Variants in DEPDC1 observed in about 807,000 individuals in gnomAD.
The protein encoded by DEPDC1 is DEP domain containing 1.
In DEPDC1, 66 loss-of-function variants were observed where a neutral mutation model predicts 86.8. The ratio of observed to expected loss-of-function variants is 0.76; its 90% CI spans 0.62 to 0.93. The LOEUF is 0.93. Among genes scored for constraint, DEPDC1 ranks in the 40% least tolerant of loss-of-function variants. The pLI is 0.00. For synonymous variants in DEPDC1, 255 were observed against 314.9 expected, an observed-to-expected ratio of 0.81 and a Z score of 2.02; for missense variants, 792 against 935.7, an observed-to-expected ratio of 0.85 and a Z score of 2.00.
chr1:68,485,293 T>C (rs4926342), intron 6 of DEPDC1, among the ~76,000 whole-genome samples: 71,346 of 151,278 alleles, frequency 0.47, 17,977 homozygotes, highest in Middle Eastern at 0.76. Flanking sequence ...AGACAGAAAA[T>C]ACATGTTTAC....
chr1:68,495,630 A>G (rs1646259698), intron 1 of DEPDC1, among the ~76,000 whole-genome samples: 1 of 152,200 alleles, frequency 6.6e-6, no homozygotes, highest in South Asian at 2.1e-4. Context: ...AAGGGAGATT[A>G]CAGAACGGCT....
At chr1:68,478,035 T>G in intron 10 of DEPDC1, 63 bp from the exon 11 acceptor site, 9 of 1,223,678 alleles carry the variant, frequency 7.4e-6, no homozygotes, top group Non-Finnish European at 1.0e-5. Flanking sequence ...GATAAAGTAT[T>G]CTTTTGATGG....
intron 5 of DEPDC1, among the ~76,000 whole-genome samples, chr1:68,487,636 AT>A (rs1022955635): frequency 1.3e-5 from 2 of 151,918 alleles, no homozygotes; most frequent in African/African-American, 4.8e-5. Flanking sequence ...CAGTTTTAAC[AT>A]TTACCTTTTG....
chr1:68,485,781 T>G (rs762872033), intron 6 of DEPDC1, among the ~76,000 whole-genome samples: 45 of 152,066 alleles, frequency 3.0e-4, no homozygotes, highest in Non-Finnish European at 3.5e-4. Context: ...TCTGTAAATA[T>G]ATTTAATTTA....
chr1:68,489,043 A>G lies in DEPDC1; in HGVS notation c.472-9T>C, dbSNP rs1304125477. On this transcript the variant is annotated splice_polypyrimidine_tract_variant and intron_variant, in intron 3 of 11. Transcript: ENST00000456315. ...ATTTTCTCGCCATTTTCCTGAAAAA[A>G]GGATTATTTTGGTTTAATCTGTTAT... 2 of 1,570,780 alleles carry G rather than the reference A, an allele frequency of 1.3e-6. No individual in the cohort carries two copies. Among genetic ancestry groups the G allele is most frequent in the East Asian group, 2.3e-5 (1 of 44,410 alleles).
intron 2 of DEPDC1, 106 bp downstream of exon 2, chr1:68,494,324 G>T: frequency 9.3e-7 from 1 of 1,080,876 alleles, no homozygotes; most frequent in Non-Finnish European, 1.3e-6. Flanking sequence ...GTTTTCCAAA[G>T]AAATAAAACT....
At position 68,481,307 on chromosome 1, in the gene DEPDC1, TAA is replaced by T. The variant is rs954356105; in HGVS notation, c.1935+131_1935+132del. 54 of 779,514 alleles carry T rather than the reference TAA, an allele frequency of 6.9e-5. No individual in the cohort carries two copies. In the African/African-American group the frequency reaches 8.1e-4, roughly 12 times the overall value. 48.3% of individuals were successfully genotyped at this position (779,514 alleles called of 1,614,324 possible). A position where few individuals can be genotyped will look rare whatever the true frequency, so the allele number is the denominator to read the frequency against. ...CCAAAATTCTGCTGCTAGGAAAGGT[TAA>T]AGAGCCTTTCCAACCTAAGAATCTA... On this transcript the variant is annotated intron_variant, in intron 9 of 11. Coordinates refer to ENST00000456315, the MANE Select transcript of DEPDC1 (RefSeq NM_001114120.3).
At chr1:68,494,720 T>TA (rs1487315887) in intron 1 of DEPDC1, 25 bp from the exon 2 acceptor site, 5 of 1,574,314 alleles carry the variant, frequency 3.2e-6, no homozygotes, top group Admixed American at 3.7e-5. Flanking sequence ...AAAATATTTT[T>TA]AAAAAATTGA....
In DEPDC1 at chr1:68,489,609, C is replaced by A; in HGVS notation, c.315-1G>T. ...TTTAAGTGGCGAAGTTGCAGGAAAT[C>A]TGGTTTAAAAACAATAAGCAATTAA... On this transcript the variant is annotated splice_acceptor_variant, in intron 2 of 11. Coordinates refer to ENST00000456315, the MANE Select transcript of DEPDC1 (RefSeq NM_001114120.3). LOFTEE classifies it high-confidence loss of function. 6.5e-7 allele frequency: 1 copy of A among 1,531,058 alleles called. No homozygotes were observed. Among genetic ancestry groups the A allele is most frequent in the Non-Finnish European group, 8.7e-7 (1 of 1,150,648 alleles). The allele number at this position is 1,531,058 out of a possible 1,614,324, so 94.8% of individuals were successfully genotyped here. A position where few individuals can be genotyped will look rare whatever the true frequency, so the allele number is the denominator to read the frequency against.
In DEPDC1 at chr1:68,487,000, AAT is replaced by A; in HGVS notation, c.722-18_722-17del. On this transcript the variant is annotated splice_polypyrimidine_tract_variant and intron_variant, in intron 5 of 11. Transcript: ENST00000456315. ...GGGAGGTCATCTACACAAAAAGAAA[AAT>A]ATTACTAAGTAAACCATACATTTTT... 6.3e-7 allele frequency: 1 copy of A among 1,592,536 alleles called. No homozygotes were observed. Among genetic ancestry groups the A allele is most frequent in the Non-Finnish European group, 8.5e-7 (1 of 1,172,560 alleles).
Position 68,482,149 on chromosome 1 carries a change from G to A in DEPDC1, c.1659C>T (p.Leu553=), listed in dbSNP as rs763446549. Residue 553 remains leucine, a synonymous_variant, in exon 8 of 12, where the codon CTC becomes CTT. Coordinates refer to ENST00000456315, the MANE Select transcript of DEPDC1 (RefSeq NM_001114120.3). ...TSVQTAMESE[L]GESSATINKR... ...TATTGATTGTGGCACTAGACTCTCC[G>A]AGTTCACTTTCCATAGCTGTTTGCA... 5.0e-6 allele frequency: 8 copies of A among 1,612,836 alleles called. No homozygotes were observed. The highest frequency in any genetic ancestry group is 2.7e-5 in the African/African-American group (2 of 74,954).
At chr1:68,487,435 T>A (rs1332226290) in intron 5 of DEPDC1, among the ~76,000 whole-genome samples, 1 of 152,014 alleles carries the variant, frequency 6.6e-6, no homozygotes, top group African/African-American at 2.4e-5. Context: ...GCTTTTATAG[T>A]GAAGTTTGCT....
rs1646262542 is a variant in DEPDC1 at position 68,496,065 on chromosome 1, T to C, written c.48+887A>G. Among the ~76,000 whole-genome samples the C allele has an allele frequency of 6.6e-6, 1 of 152,192 alleles. No homozygotes were observed. Among genetic ancestry groups the C allele is most frequent in the African/African-American group, 2.4e-5 (1 of 41,446 alleles). On this transcript the variant is annotated intron_variant, in intron 1 of 11. Coordinates refer to ENST00000456315, the MANE Select transcript of DEPDC1 (RefSeq NM_001114120.3). This position sits in a 1 kb window ranked among gnomAD's most constrained non-coding sequence, Gnocchi z 4.0. Reference sequence around the variant, plus strand: ...ACCAGGAAGATCTGAATTCTAGCTCTGCCACTTGCTGTTGATGTGACTCTA... The same window carrying C: ...ACCAGGAAGATCTGAATTCTAGCTCCGCCACTTGCTGTTGATGTGACTCTA...
intron 6 of DEPDC1, among the ~76,000 whole-genome samples, chr1:68,484,857 C>CTAGA (rs932126369): frequency 4.6e-5 from 7 of 150,924 alleles, no homozygotes; most frequent in African/African-American, 1.7e-4. Context: ...ATTTACTGAC[C>CTAGA]TAGAAATGTT....
rs1042179036 is a variant in DEPDC1, at chr1:68,489,664, A to G, written c.315-56T>C. ...TGTGAGATTAGAAACAAACTTTTAG[A>G]GCCTATTTTTTTTTTAAAATTCACA... is the stretch of plus-strand genomic sequence containing the variant. On this transcript the variant is annotated intron_variant, in intron 2 of 11. Coordinates refer to ENST00000456315, the MANE Select transcript of DEPDC1 (RefSeq NM_001114120.3). 11 of 1,376,236 alleles carry G rather than the reference A, an allele frequency of 8.0e-6. No individual in the cohort carries two copies. In the African/African-American group the frequency reaches 1.5e-4, roughly 19 times the overall value. The allele number at this position is 1,376,236 out of a possible 1,614,324, so 85.3% of individuals were successfully genotyped here.
In DEPDC1 at chr1:68,497,011, C is replaced by T. The variant is rs1571209508; in HGVS notation, c.-12G>A. The stretch of plus-strand genomic sequence containing the variant: ...CCCTGACTCTCCATAGGTCTGTCAG[C>T]GCCCGGTGGCGTCCATGGCGGCGAA... On this transcript the variant is annotated 5_prime_UTR_variant, in exon 1 of 12. Transcript: ENST00000456315. The T allele has an allele frequency of 6.2e-7, 1 of 1,611,130 alleles. No homozygotes were observed. The highest frequency in any genetic ancestry group is 2.2e-5 in the East Asian group (1 of 44,692).
intron 10 of DEPDC1, among the ~76,000 whole-genome samples, chr1:68,478,929 G>A (rs562037801): frequency 6.6e-6 from 1 of 152,010 alleles, no homozygotes; most frequent in African/African-American, 2.4e-5. Context: ...ATGTGAAGGA[G>A]CCATTGTCAA....
intron 11 of DEPDC1, among the ~76,000 whole-genome samples, chr1:68,477,297 TTC>T (rs1646123090): frequency 6.6e-6 from 1 of 151,742 alleles, no homozygotes; most frequent in South Asian, 2.1e-4. Context: ...CCGATGTTAA[TTC>T]TCCCCCTAAA....
At chr1:68,494,314 G>C in intron 2 of DEPDC1, 116 bp downstream of exon 2, 1 of 992,598 alleles carries the variant, frequency 1.0e-6, no homozygotes, top group South Asian at 2.0e-5. Flanking sequence ...AGCATTAATA[G>C]TTTTCCAAAG....
Sources: allele counts gnomAD v4.1 joint callset (sites outside exome capture counted in the v4.1 genomes callset), GRCh38; gene constraint gnomAD v4.1.1; non-coding constraint Gnocchi (gnomAD v3.1); transcripts MANE v1.5; gene names NCBI Gene and HGNC (gene_info 2026-07-23, HGNC 2026-07-21).